The following NOS2 variants were observed in gnomAD, a reference collection of about 807,000 sequenced individuals.
NOS2 encodes nitric oxide synthase, inducible.
NOS2 carries 96 observed loss-of-function variants against 136.0 expected under a neutral mutation model. The observed-to-expected ratio is 0.71, with a 90% CI of 0.60 to 0.84. NOS2 has a LOEUF of 0.84. NOS2 is among the 40% of genes least tolerant of loss of function. The pLI is 0.00. For synonymous variants in NOS2, 539 were observed against 587.5 expected (o/e 0.92, Z 1.20); for missense variants, 1,237 against 1,496.9 (o/e 0.83, Z 2.87).
chr17:27,763,753 C>G (rs906539907), intron 21 of NOS2, among the ~76,000 whole-genome samples: 1 of 151,866 alleles, frequency 6.6e-6, no homozygotes, highest in East Asian at 1.9e-4. Context: ...AGGCAGTGCA[C>G]TCTGGTTGCA....
In NOS2 at chr17:27,780,920, C is replaced by T. The variant is rs199687777; in HGVS notation, c.865-14G>A. ...GTCGATGCACAGCTGGGGAACAAGA[C>T]GGGCCCTGTGAGTCTGTAAGCCCGG... On this transcript the variant is annotated splice_polypyrimidine_tract_variant and intron_variant, in intron 8 of 26. Transcript: ENST00000313735. 133 of 1,608,270 alleles carry T rather than the reference C, an allele frequency of 8.3e-5. No individual in the cohort carries two copies. The highest frequency in any genetic ancestry group is 1.5e-4 in the African/African-American group (11 of 74,982).
intron 17 of NOS2, 76 bp downstream of exon 17, chr17:27,768,901 G>T: frequency 7.0e-7 from 1 of 1,431,796 alleles, no homozygotes. Flanking sequence ...CACCTGGGAC[G>T]CCCAGCACAG....
intron 17 of NOS2, 113 bp downstream of exon 17, chr17:27,768,864 C>A: frequency 8.3e-7 from 1 of 1,204,538 alleles, no homozygotes; most frequent in South Asian, 1.6e-5. Flanking sequence ...GGGACCACAT[C>A]TACAGGACCA....
intron 19 of NOS2, among the ~76,000 whole-genome samples, chr17:27,766,166 T>A (rs1337840848): frequency 1.3e-5 from 2 of 152,226 alleles, no homozygotes; most frequent in Non-Finnish European, 2.9e-5. Flanking sequence ...CTGGGAAATT[T>A]CCTTCCCTGC....
chr17:27,767,814 G>A lies in NOS2; in HGVS notation c.2058C>T (p.Val686=), dbSNP rs549780287. The stretch of plus-strand genomic sequence containing the variant: ...GGATCTGAATGTGCTGTTTGCCTCG[G>A]ACATCAAACGTCTCACAGGCTGCCT... ...TFKAACETFD[V]RGKQHIQIPK... is the part of the protein sequence containing the mutation. The change falls in exon 18 of 27, where the codon GTC becomes GTT. Residue 686 remains valine (V), a synonymous_variant. Coordinates refer to ENST00000313735, the MANE Select transcript of NOS2 (RefSeq NM_000625.4). 5.0e-6 allele frequency: 8 copies of A among 1,611,770 alleles called. No individual in the cohort carries two copies. Among genetic ancestry groups the A allele is most frequent in the Non-Finnish European group, 6.8e-6 (8 of 1,179,984 alleles).
intron 2 of NOS2, among the ~76,000 whole-genome samples, chr17:27,792,862 C>T (rs564083469): frequency 1.3e-5 from 2 of 148,800 alleles, no homozygotes; most frequent in East Asian, 2.0e-4. Context: ...TGGTGATGCG[C>T]GCCTGTAGTC....
intron 25 of NOS2, 148 bp from the exon 26 acceptor site, chr17:27,759,223 G>C: frequency 1.8e-6 from 1 of 562,104 alleles, no homozygotes; most frequent in East Asian, 3.3e-5. Context: ...AAGGGGCCAG[G>C]CTCAGGATGA....
chr17:27,798,959 C>T, intron 1 of NOS2, 77 bp from the exon 2 acceptor site: 2 of 617,784 alleles, frequency 3.2e-6, no homozygotes, highest in South Asian at 3.9e-5. Flanking sequence ...GGTTGGCTCA[C>T]TGGGGAATCG....
intron 2 of NOS2, among the ~76,000 whole-genome samples, chr17:27,790,149 A>C (rs1909146691): frequency 6.6e-6 from 1 of 152,222 alleles, no homozygotes; most frequent in African/African-American, 2.4e-5. Context: ...GCTGGAGTGC[A>C]GTGGCATGAT....
chr17:27,757,674 TGAAGGGTCCTGATGAACAGCAGCATA>T (rs1173576893), intron 26 of NOS2, among the ~76,000 whole-genome samples: 1 of 152,184 alleles, frequency 6.6e-6, no homozygotes, highest in Non-Finnish European at 1.5e-5. Flanking sequence ...CTTCCAGCCT[TGAAGGGTCCTGATGAACAGCAGCATA>T]CTGAAGGCTC....
intron 20 of NOS2, among the ~76,000 whole-genome samples, chr17:27,764,363 G>A (rs1908229848): frequency 6.6e-6 from 1 of 152,150 alleles, no homozygotes; most frequent in Admixed American, 6.5e-5. Context: ...GCAGTAAGTT[G>A]GCGTGGTCCT....
At position 27,757,358 on chromosome 17, in the gene NOS2, T is replaced by A; in HGVS notation, c.3355-5A>T. The A allele has an allele frequency of 6.2e-7, 1 of 1,613,750 alleles. No individual in the cohort carries two copies. Among genetic ancestry groups the A allele is most frequent in the East Asian group, 2.2e-5 (1 of 44,888 alleles). ...TTCGTGATAGCGCTTCTGGCTCTTT[T>A]AGGTAAAAACAGAGAGCAACGTGTC... On this transcript the variant is annotated splice_region_variant and splice_polypyrimidine_tract_variant and intron_variant, in intron 26 of 26. Coordinates refer to ENST00000313735, the MANE Select transcript of NOS2 (RefSeq NM_000625.4).
chr17:27,780,526 G>A (rs1467531334), intron 9 of NOS2, among the ~76,000 whole-genome samples: 1 of 152,176 alleles, frequency 6.6e-6, no homozygotes, highest in Non-Finnish European at 1.5e-5. Context: ...GGCCCCATCC[G>A]CCTAAGCCTC....
intron 22 of NOS2, among the ~76,000 whole-genome samples, chr17:27,761,954 T>C (rs1324087115): frequency 1.3e-5 from 2 of 152,066 alleles, no homozygotes; most frequent in Admixed American, 1.3e-4. Flanking sequence ...GCAAATAGAG[T>C]CTCTGCCAAG....
intron 16 of NOS2, 139 bp from the exon 17 acceptor site, chr17:27,769,290 C>A: frequency 1.1e-6 from 1 of 898,000 alleles, no homozygotes; most frequent in Non-Finnish European, 1.7e-6. Context: ...CCTTCTGGTC[C>A]TCTCCATCCC....
At chr17:27,761,103 G>C in intron 23 of NOS2, 41 bp downstream of exon 23, 1 of 1,496,062 alleles carries the variant, frequency 6.7e-7, no homozygotes, top group South Asian at 1.3e-5. Context: ...ACTCCCAGGG[G>C]TCGGCGGCCC....
intron 2 of NOS2, among the ~76,000 whole-genome samples, chr17:27,793,115 G>A (rs2142528310): frequency 7.5e-6 from 1 of 133,300 alleles, no homozygotes; most frequent in South Asian, 2.6e-4. Flanking sequence ...TGACCTGGGG[G>A]CCAGATTCCC....
At chr17:27,764,960 A>T (rs1908249677) in intron 20 of NOS2, among the ~76,000 whole-genome samples, 2 of 152,154 alleles carry the variant, frequency 1.3e-5, no homozygotes, top group Non-Finnish European at 2.9e-5. Context: ...GGTCACTGCC[A>T]GGCTCTGTTT....
intron 9 of NOS2, among the ~76,000 whole-genome samples, chr17:27,779,906 T>A (rs1014762812): frequency 2.6e-5 from 4 of 152,236 alleles, no homozygotes; most frequent in Admixed American, 1.3e-4. Flanking sequence ...CAAATATTTA[T>A]AACTGAGCAC....
Sources: allele counts gnomAD v4.1 joint callset (sites outside exome capture counted in the v4.1 genomes callset), GRCh38; gene constraint gnomAD v4.1.1; transcripts MANE v1.5; gene names NCBI Gene and HGNC (gene_info 2026-07-23, HGNC 2026-07-21).